SLC17A3: variants seen among roughly 807,000 people sequenced by gnomAD.
The protein encoded by SLC17A3 is sodium-dependent phosphate transport protein 4.
A neutral mutation model predicts 60.3 loss-of-function variants in SLC17A3; 61 were observed. The ratio of observed to expected loss-of-function variants is 1.01; its 90% CI spans 0.82 to 1.25. SLC17A3 has a LOEUF of 1.25. Among genes scored for constraint, SLC17A3 ranks in the 50% most tolerant of loss-of-function variants. The pLI, the probability that SLC17A3 is intolerant of heterozygous loss-of-function variation, is 0.00. For synonymous variants in SLC17A3, 192 were observed against 208.9 expected, an observed-to-expected ratio of 0.92 and a Z score of 0.70; for missense variants, 624 against 594.9, an observed-to-expected ratio of 1.05 and a Z score of -0.51.
intron 11 of SLC17A3, among the ~76,000 whole-genome samples, chr6:25,847,872 T>G (rs758814297): frequency 2.1e-4 from 32 of 152,136 alleles, no homozygotes; most frequent in Non-Finnish European, 4.4e-4. Context: ...GAACCGGATT[T>G]GTAGTCTTTT....
At chr6:25,872,937 A>T (rs1388144051) in intron 1 of SLC17A3, among the ~76,000 whole-genome samples, 1 of 151,972 alleles carries the variant, frequency 6.6e-6, no homozygotes, top group Non-Finnish European at 1.5e-5. Context: ...CCCTATCTCT[A>T]AGTGAACCAG....
At position 25,874,167 on chromosome 6, in the gene SLC17A3, C is replaced by T. The variant is rs1765692998; in HGVS notation, c.-34G>A. 2 of 151,968 alleles carry T rather than the reference C, an allele frequency of 1.3e-5. No individual in the cohort carries two copies. Among genetic ancestry groups the T allele is most frequent in the South Asian group, 2.1e-4 (1 of 4,810 alleles). 9.4% of individuals were successfully genotyped at this position (151,968 alleles called of 1,614,324 possible). ...CTCAATACCAAGAGAAGTGACTTACCGACTTAATGTCTGTGGAAGGGCTTC... is the reference window on the plus strand; with the variant it reads ...CTCAATACCAAGAGAAGTGACTTACTGACTTAATGTCTGTGGAAGGGCTTC... On this transcript the variant is annotated splice_region_variant and 5_prime_UTR_variant, in exon 1 of 13. Transcript: ENST00000397060.
In SLC17A3 at chr6:25,861,719, T is replaced by G. The variant is rs376946211; in HGVS notation, c.538-8A>C. The stretch of plus-strand genomic sequence containing the variant: ...ACCCCCAAGTATTGAGGACTGAAAT[T>G]AAAATGATTAGAGTTCTTAATGTGT... On this transcript the variant is annotated splice_region_variant and splice_polypyrimidine_tract_variant and intron_variant, in intron 4 of 12. Coordinates refer to ENST00000397060, the MANE Select transcript of SLC17A3 (RefSeq NM_001098486.2). The G allele has an allele frequency of 6.2e-7, 1 of 1,613,496 alleles. No individual in the cohort carries two copies. The highest frequency in any genetic ancestry group is 8.5e-7 in the Non-Finnish European group (1 of 1,179,434).
rs375147284 is a variant in SLC17A3, at chr6:25,845,531, C to G, written c.1363-15G>C. On this transcript the variant is annotated splice_polypyrimidine_tract_variant and intron_variant, in intron 11 of 12. Coordinates refer to ENST00000397060, the MANE Select transcript of SLC17A3 (RefSeq NM_001098486.2). Reference sequence around the variant, plus strand: ...AACTCAGGGTCCTGGAGACACAAAACCCCAAGTATATATTACCCCTTTCAT... The same window carrying G: ...AACTCAGGGTCCTGGAGACACAAAAGCCCAAGTATATATTACCCCTTTCAT... 1 of 1,613,754 alleles carries G rather than the reference C, an allele frequency of 6.2e-7. No homozygotes were observed. The highest frequency in any genetic ancestry group is 1.3e-5 in the African/African-American group (1 of 75,026).
intron 11 of SLC17A3, 67 bp downstream of exon 11, chr6:25,849,307 T>C: frequency 2.2e-6 from 2 of 902,886 alleles, no homozygotes; most frequent in Non-Finnish European, 1.9e-6. Flanking sequence ...TTTGAATACA[T>C]GCTATCACCT....
At chr6:25,855,072 T>C (rs1765336504) in intron 6 of SLC17A3, 72 bp downstream of exon 6, 2 of 984,538 alleles carry the variant, frequency 2.0e-6, no homozygotes, top group East Asian at 4.8e-5. Flanking sequence ...TGGAAAACTA[T>C]ACACAAAATA....
intron 1 of SLC17A3, among the ~76,000 whole-genome samples, chr6:25,872,191 T>C (rs1175655704): frequency 6.6e-6 from 1 of 151,990 alleles, no homozygotes; most frequent in African/African-American, 2.4e-5. Flanking sequence ...AGCTCCACTC[T>C]TGAGGTTTTT....
intron 9 of SLC17A3, 39 bp from the exon 10 acceptor site, chr6:25,849,991 C>CA: frequency 6.2e-7 from 1 of 1,613,920 alleles, no homozygotes; most frequent in Non-Finnish European, 8.5e-7. Context: ...CAGTGAGATG[C>CA]ATTCTTTGGC....
In SLC17A3 at chr6:25,861,425, AG is replaced by A. The variant is rs1317965586; in HGVS notation, c.625+198del. On this transcript the variant is annotated intron_variant, in intron 5 of 12. Coordinates refer to ENST00000397060, the MANE Select transcript of SLC17A3 (RefSeq NM_001098486.2). ...TTTTAAATGCTCCAAGTCATAGTAA[AG>A]GCAAAGTCATGCCACAAATGACATC... 7.2e-5 allele frequency among the ~76,000 whole-genome samples: 11 copies of A among 152,304 alleles called. No individual in the cohort carries two copies. In the South Asian group the frequency reaches 1.4e-3, roughly 20 times the overall value.
chr6:25,854,764 T>C (rs1765332244), intron 6 of SLC17A3, among the ~76,000 whole-genome samples: 1 of 152,118 alleles, frequency 6.6e-6, no homozygotes, highest in Non-Finnish European at 1.5e-5. Flanking sequence ...GCCTTGCTCC[T>C]GTGCTACTCA....
chr6:25,857,326 C>A (rs1394710385), intron 5 of SLC17A3, among the ~76,000 whole-genome samples: 5 of 150,576 alleles, frequency 3.3e-5, no homozygotes, highest in Non-Finnish European at 7.4e-5. Context: ...ATCTTTTTAT[C>A]TTTGTTTCTT....
chr6:25,858,747 A>G (rs1339746329), intron 5 of SLC17A3, among the ~76,000 whole-genome samples: 1 of 152,190 alleles, frequency 6.6e-6, no homozygotes, highest in East Asian at 1.9e-4. Context: ...ATTATAAGCC[A>G]ATCTCCATTC....
At chr6:25,866,320 C>G (rs1004874068) in intron 2 of SLC17A3, among the ~76,000 whole-genome samples, 1 of 152,050 alleles carries the variant, frequency 6.6e-6, no homozygotes, top group Admixed American at 6.6e-5. Context: ...ATCTAGCAAA[C>G]AGCCAGAGCC....
At chr6:25,853,175 C>A (rs1045511343) in intron 6 of SLC17A3, among the ~76,000 whole-genome samples, 1 of 152,008 alleles carries the variant, frequency 6.6e-6, no homozygotes, top group African/African-American at 2.4e-5. Flanking sequence ...AGGCACCGTC[C>A]TCAGCCTTCA....
At chr6:25,857,615 T>C (rs950927154) in intron 5 of SLC17A3, among the ~76,000 whole-genome samples, 3 of 151,490 alleles carry the variant, frequency 2.0e-5, no homozygotes, top group Admixed American at 6.6e-5. Context: ...ATTTAAGCCC[T>C]AGTAGTCAGA....
rs77940014 is a variant in SLC17A3 at position 25,854,318 on chromosome 6, C to T, written c.712+826G>A. 2.1e-3 allele frequency among the ~76,000 whole-genome samples: 326 copies of T among 152,242 alleles called. 2 individuals are homozygous for T. The highest frequency in any genetic ancestry group is 3.4e-3 in the Non-Finnish European group (229 of 68,002). ...TTTTTGCTTCATGTATTTTGAAGTT[C>T]TGTCATTAGGTGCATATACATTTCA... On this transcript the variant is annotated intron_variant, in intron 6 of 12. Transcript: ENST00000397060.
intron 5 of SLC17A3, among the ~76,000 whole-genome samples, chr6:25,859,921 C>A (rs369228198): frequency 1.3e-5 from 2 of 152,152 alleles, no homozygotes; most frequent in African/African-American, 4.8e-5. Context: ...TGTGCAATTA[C>A]AGCACCTAAT....
Position 25,872,541 on chromosome 6 carries a change from T to C in SLC17A3, c.-34+1626A>G, listed in dbSNP as rs561077555. 1.4e-4 allele frequency among the ~76,000 whole-genome samples: 20 copies of C among 147,974 alleles called. No homozygotes were observed. In the South Asian group the frequency reaches 2.8e-3, roughly 20 times the overall value. ...TAAACATATAGAAATAGATATGTAG[T>C]ATGTATACTACATTCATTACTATAT... On this transcript the variant is annotated intron_variant, in intron 1 of 12. Coordinates refer to ENST00000397060, the MANE Select transcript of SLC17A3 (RefSeq NM_001098486.2).
At chr6:25,862,119 C>A (rs1765459876) in intron 3 of SLC17A3, 90 bp from the exon 4 acceptor site, 2 of 1,401,044 alleles carry the variant, frequency 1.4e-6, no homozygotes, top group Admixed American at 4.0e-5. Context: ...TGCTTGCTTT[C>A]AAATCACTAT....
Sources: allele counts gnomAD v4.1 joint callset (sites outside exome capture counted in the v4.1 genomes callset), GRCh38; gene constraint gnomAD v4.1.1; transcripts MANE v1.5; gene names NCBI Gene and HGNC (gene_info 2026-07-23, HGNC 2026-07-21).